MAPKAP1: variants seen among roughly 807,000 people sequenced by gnomAD.
MAPKAP1 encodes target of rapamycin complex 2 subunit MAPKAP1.
A neutral mutation model predicts 65.7 loss-of-function variants in MAPKAP1; 20 were observed. The ratio of observed to expected loss-of-function variants is 0.30; its 90% CI spans 0.21 to 0.44. The LOEUF (loss-of-function observed/expected upper bound fraction) is 0.44, where lower values mean the gene tolerates loss of function less well. MAPKAP1 is among the 20% of genes least tolerant of loss of function. The pLI is 1.00. For synonymous variants in MAPKAP1, 222 were observed against 244.3 expected, an observed-to-expected ratio of 0.91 and a Z score of 0.85; for missense variants, 423 against 648.0, an observed-to-expected ratio of 0.65 and a Z score of 3.77.
intron 9 of MAPKAP1, among the ~76,000 whole-genome samples, chr9:125,481,180 C>A (rs1399593528): frequency 6.6e-6 from 1 of 152,126 alleles, no homozygotes; most frequent in African/African-American, 2.4e-5. Context: ...AGAGCTTGGG[C>A]TCCTCCCACA....
At chr9:125,701,742 G>C (rs186653073) in intron 1 of MAPKAP1, among the ~76,000 whole-genome samples, 2 of 152,228 alleles carry the variant, frequency 1.3e-5, no homozygotes, top group Non-Finnish European at 2.9e-5. Context: ...TTGTGGAGAG[G>C]GCCAAGAGAC....
At chr9:125,448,958 T>C (rs1405671613) in intron 10 of MAPKAP1, among the ~76,000 whole-genome samples, 1 of 149,660 alleles carries the variant, frequency 6.7e-6, no homozygotes, top group African/African-American at 2.5e-5. Context: ...TGAGCTGAGA[T>C]TGTGCCACAG....
chr9:125,702,974 T>C (rs1835648885), intron 1 of MAPKAP1, among the ~76,000 whole-genome samples: 1 of 152,198 alleles, frequency 6.6e-6, no homozygotes. Context: ...AGTGAGCTAT[T>C]ACCACGAAAC....
intron 1 of MAPKAP1, among the ~76,000 whole-genome samples, chr9:125,693,516 CACAT>C (rs1478964358): frequency 7.8e-6 from 1 of 128,906 alleles, no homozygotes; most frequent in African/African-American, 3.3e-5. Flanking sequence ...CACATACACA[CACAT>C]ATATACACAT....
intron 4 of MAPKAP1, among the ~76,000 whole-genome samples, chr9:125,590,037 T>C (rs1283034647): frequency 6.6e-6 from 1 of 152,222 alleles, no homozygotes; most frequent in Non-Finnish European, 1.5e-5. Context: ...AGCCCTCATA[T>C]TACCCTCCTT....
chr9:125,698,284 TATAAATATATA>T (rs1360000511), intron 1 of MAPKAP1, among the ~76,000 whole-genome samples: 9 of 25,904 alleles, frequency 3.5e-4, no homozygotes, highest in African/African-American at 2.6e-3. Context: ...ACATAATATA[TATAAATATATA>T]TATATATATA....
chr9:125,464,308 G>A (rs1321211876), intron 10 of MAPKAP1, among the ~76,000 whole-genome samples: 2 of 150,664 alleles, frequency 1.3e-5, no homozygotes, highest in East Asian at 1.9e-4. Flanking sequence ...TTTCTGATAC[G>A]GAAACATTCT....
chr9:125,530,458 A>G (rs528509384), intron 7 of MAPKAP1, among the ~76,000 whole-genome samples: 1 of 152,384 alleles, frequency 6.6e-6, no homozygotes, highest in East Asian at 1.9e-4. Context: ...CTGTGAACAC[A>G]AAGACTTTTA....
At chr9:125,505,832 T>C (rs1041053529) in intron 8 of MAPKAP1, 2 of 169,312 alleles carry the variant, frequency 1.2e-5, no homozygotes, top group Admixed American at 1.1e-4. Context: ...AATGCACAAT[T>C]TGGAAACTCT....
At chr9:125,657,904 G>T in intron 3 of MAPKAP1, 105 bp from the exon 4 acceptor site, 1 of 1,096,494 alleles carries the variant, frequency 9.1e-7, no homozygotes, top group African/African-American at 1.6e-5. Flanking sequence ...AGCATCCAGA[G>T]ACATGTTCAG....
intron 1 of MAPKAP1, among the ~76,000 whole-genome samples, chr9:125,673,418 G>T (rs1012956772): frequency 2.6e-5 from 4 of 152,062 alleles, no homozygotes; most frequent in Non-Finnish European, 5.9e-5. Context: ...TAGAAATGGG[G>T]TTTCTCCATG....
At chr9:125,582,030 T>C (rs1230002017) in intron 5 of MAPKAP1, among the ~76,000 whole-genome samples, 1 of 152,194 alleles carries the variant, frequency 6.6e-6, no homozygotes, top group Non-Finnish European at 1.5e-5. Context: ...GTCTCTTCTC[T>C]TTCATTCTTT....
At chr9:125,665,924 A>G (rs1175900254) in intron 3 of MAPKAP1, among the ~76,000 whole-genome samples, 1 of 152,192 alleles carries the variant, frequency 6.6e-6, no homozygotes, top group Non-Finnish European at 1.5e-5. Context: ...TTATTTGCCT[A>G]TTAGACTTCG....
intron 1 of MAPKAP1, among the ~76,000 whole-genome samples, chr9:125,704,508 A>C (rs1264946539): frequency 6.6e-6 from 1 of 152,188 alleles, no homozygotes; most frequent in Non-Finnish European, 1.5e-5. Flanking sequence ...GAATGTCAAT[A>C]ACCTCAGGAT....
chr9:125,656,084 T>C (rs1217426809), intron 4 of MAPKAP1, among the ~76,000 whole-genome samples: 3 of 152,236 alleles, frequency 2.0e-5, no homozygotes, highest in Admixed American at 6.5e-5. Context: ...TTTTTTGATA[T>C]AAACACATTA....
intron 10 of MAPKAP1, among the ~76,000 whole-genome samples, chr9:125,455,564 G>C (rs1240038062): frequency 6.6e-6 from 1 of 151,426 alleles, no homozygotes; most frequent in Non-Finnish European, 1.5e-5. Flanking sequence ...ATACATTTTT[G>C]GGTAATACAG....
At chr9:125,577,329 C>T (rs1156985980) in intron 5 of MAPKAP1, among the ~76,000 whole-genome samples, 1 of 151,060 alleles carries the variant, frequency 6.6e-6, no homozygotes, top group African/African-American at 2.4e-5. Context: ...CCGGCAGCCA[C>T]CCCGTCTGGT....
intron 7 of MAPKAP1, among the ~76,000 whole-genome samples, chr9:125,539,470 A>G (rs1474682177): frequency 1.3e-5 from 2 of 152,198 alleles, no homozygotes; most frequent in Non-Finnish European, 2.9e-5. Context: ...TTCTGTGTCA[A>G]TGTTAAACAT....
chr9:125,609,472 C>A (rs1832536698), intron 4 of MAPKAP1, among the ~76,000 whole-genome samples: 1 of 152,128 alleles, frequency 6.6e-6, no homozygotes, highest in Non-Finnish European at 1.5e-5. Context: ...TGCCAAGCTT[C>A]TTTATTTATT....
Sources: gnomAD v4.1 joint callset for allele counts (sites outside exome capture counted in the v4.1 genomes callset) on GRCh38, gnomAD v4.1.1 for gene constraint, MANE v1.5 for transcripts, NCBI Gene and HGNC (gene_info 2026-07-23, HGNC 2026-07-21) for gene names.